The following ADGRL3 variants were observed in gnomAD, a reference collection of about 807,000 sequenced individuals.
The protein encoded by ADGRL3 is adhesion G protein-coupled receptor L3.
Under a neutral mutation model 153.5 loss-of-function variants are expected in ADGRL3, and 62 were observed. That is an observed-to-expected ratio of 0.40 (90% confidence interval 0.33 to 0.50). The LOEUF (loss-of-function observed/expected upper bound fraction) is 0.50, where lower values mean the gene tolerates loss of function less well. Among genes scored for constraint, ADGRL3 ranks in the 20% least tolerant of loss-of-function variants. ADGRL3 has a pLI of 0.47. For synonymous variants in ADGRL3, 710 were observed against 672.5 expected (o/e 1.06, Z -0.86); for missense variants, 1,641 against 1,859.4 (o/e 0.88, Z 2.16).
chr4:61,456,135 T>C (rs1054829674), intron 2 of ADGRL3, among the ~76,000 whole-genome samples: 12 of 151,898 alleles, frequency 7.9e-5, no homozygotes, highest in African/African-American at 2.9e-4. Context: ...ATACATTCTT[T>C]TTACACTATT....
intron 2 of ADGRL3, among the ~76,000 whole-genome samples, chr4:61,484,746 GA>G (rs1334048014): frequency 6.6e-6 from 1 of 152,070 alleles, no homozygotes; most frequent in African/African-American, 2.4e-5. Context: ...GTATAATTAT[GA>G]AGAACTTCAA....
intron 3 of ADGRL3, among the ~76,000 whole-genome samples, chr4:61,512,298 G>A (rs950090265): frequency 2.0e-5 from 3 of 152,082 alleles, no homozygotes; most frequent in Non-Finnish European, 4.4e-5. Flanking sequence ...TGAGTCATAG[G>A]TAGTAGGACT....
intron 8 of ADGRL3, among the ~76,000 whole-genome samples, chr4:61,770,063 T>C (rs986789859): frequency 4.6e-5 from 7 of 152,294 alleles, no homozygotes; most frequent in African/African-American, 1.7e-4. Flanking sequence ...ACAGACAGCT[T>C]CAAACAGAGA....
chr4:61,780,855 C>G (rs1235170807), intron 8 of ADGRL3, among the ~76,000 whole-genome samples: 5 of 152,194 alleles, frequency 3.3e-5, no homozygotes, highest in Admixed American at 1.3e-4. Flanking sequence ...GTGTTTGTTC[C>G]AGACCCTGTT....
At chr4:61,928,171 G>A (rs1180659244) in intron 13 of ADGRL3, among the ~76,000 whole-genome samples, 5 of 151,912 alleles carry the variant, frequency 3.3e-5, no homozygotes, top group Admixed American at 6.6e-5. Context: ...TTACTAGGCC[G>A]TTTTTCAAAA....
intron 6 of ADGRL3, among the ~76,000 whole-genome samples, chr4:61,687,263 C>CA (rs1332837477): frequency 6.6e-5 from 10 of 151,886 alleles, no homozygotes; most frequent in African/African-American, 2.4e-4. Flanking sequence ...CCTTAACAGT[C>CA]AAAAGAGATT....
intron 21 of ADGRL3, among the ~76,000 whole-genome samples, chr4:62,006,044 T>G (rs2099157925): frequency 7.2e-6 from 1 of 138,208 alleles, no homozygotes; most frequent in Admixed American, 7.2e-5. Flanking sequence ...TTTTTTTTTT[T>G]TTTGAGAAAG....
rs1022080004 is a variant in ADGRL3, at chr4:61,775,742, C to T, written c.1400-38067C>T. The T allele has an allele frequency of 2.4e-5, 23 of 945,362 alleles. No individual in the cohort carries two copies. The Admixed American group carries it at 3.7e-4, about 15-fold the overall frequency. The allele number at this position is 945,362 out of a possible 1,614,324, so 58.6% of individuals were successfully genotyped here. On this transcript the variant is annotated intron_variant, in intron 8 of 26. Coordinates refer to ENST00000683033, the MANE Select transcript of ADGRL3 (RefSeq NM_001387552.1). ...TGCTTGTCTAAGCCTTTGGTAGCTT[C>T]ATGAATTCCACGTGCTAGGCAATCG...
chr4:61,485,680 A>C (rs1226859277), intron 2 of ADGRL3, among the ~76,000 whole-genome samples: 1 of 152,116 alleles, frequency 6.6e-6, no homozygotes, highest in African/African-American at 2.4e-5. Context: ...TTCCTTATCC[A>C]CTGGAAGGAG....
At chr4:61,485,400 G>A (rs901449329) in intron 2 of ADGRL3, among the ~76,000 whole-genome samples, 5 of 152,072 alleles carry the variant, frequency 3.3e-5, no homozygotes, top group Admixed American at 2.0e-4. Flanking sequence ...TGCTATAGAT[G>A]TATTTATTTC....
intron 2 of ADGRL3, chr4:61,385,306 A>T (rs944362454): frequency 3.3e-5 from 5 of 152,156 alleles, no homozygotes; most frequent in African/African-American, 1.2e-4. Flanking sequence ...CTAGAATAGA[A>T]AATTAAGCTT....
intron 8 of ADGRL3, among the ~76,000 whole-genome samples, chr4:61,791,450 G>T (rs1287780499): frequency 1.3e-5 from 2 of 152,180 alleles, no homozygotes; most frequent in African/African-American, 4.8e-5. Context: ...CCATGGTCTT[G>T]GGCAGCTCTA....
chr4:61,381,959 T>G (rs2096673889), intron 1 of ADGRL3, among the ~76,000 whole-genome samples: 1 of 152,024 alleles, frequency 6.6e-6, no homozygotes, highest in Non-Finnish European at 1.5e-5. Flanking sequence ...TGAGTTTCAT[T>G]GCTTTAATAT....
At chr4:61,746,677 A>G (rs541983243) in intron 8 of ADGRL3, among the ~76,000 whole-genome samples, 2 of 152,364 alleles carry the variant, frequency 1.3e-5, no homozygotes, top group African/African-American at 4.8e-5. Flanking sequence ...AAGAAACAAC[A>G]TACCAGAATC....
At chr4:61,435,873 C>G (rs2097439258) in intron 2 of ADGRL3, among the ~76,000 whole-genome samples, 2 of 150,708 alleles carry the variant, frequency 1.3e-5, no homozygotes, top group Admixed American at 1.4e-4. Flanking sequence ...AGTTAATCTG[C>G]ATTGTCTCAG....
At chr4:61,844,575 A>AAAAAAAAATATATATATATATAT (rs1554045137) in intron 9 of ADGRL3, among the ~76,000 whole-genome samples, 2 of 18,108 alleles carry the variant, frequency 1.1e-4, no homozygotes, top group African/African-American at 2.6e-4. Context: ...AAAAAAAAAA[A>AAAAAAAAATATATATATATATAT]ATATATATAT....
chr4:61,753,980 A>G (rs1287581630), intron 8 of ADGRL3, among the ~76,000 whole-genome samples: 4 of 151,866 alleles, frequency 2.6e-5, no homozygotes, highest in African/African-American at 7.3e-5. Flanking sequence ...GGTGAAATCC[A>G]CTCTTCCCAA....
intron 19 of ADGRL3, among the ~76,000 whole-genome samples, chr4:61,994,745 AT>A (rs940722215): frequency 4.6e-5 from 7 of 150,806 alleles, no homozygotes; most frequent in East Asian, 3.9e-4. Context: ...GAGTTTGGTG[AT>A]TTTTTTTTCT....
intron 13 of ADGRL3, among the ~76,000 whole-genome samples, chr4:61,919,284 A>G (rs974601489): frequency 7.2e-5 from 11 of 152,218 alleles, no homozygotes; most frequent in African/African-American, 2.7e-4. Context: ...ATTTAATATA[A>G]TTAAAAGGAC....
Sources: allele counts gnomAD v4.1 joint callset (sites outside exome capture counted in the v4.1 genomes callset), GRCh38; gene constraint gnomAD v4.1.1; transcripts MANE v1.5; gene names NCBI Gene and HGNC (gene_info 2026-07-23, HGNC 2026-07-21).